The following MBOAT2 variants were observed in gnomAD, a reference collection of about 807,000 sequenced individuals.
MBOAT2 encodes membrane-bound glycerophospholipid O-acyltransferase 2.
A neutral mutation model predicts 63.4 loss-of-function variants in MBOAT2; 28 were observed. That is an observed-to-expected ratio of 0.44 (90% confidence interval 0.33 to 0.61). MBOAT2 has a LOEUF of 0.61. Ranked by LOEUF, MBOAT2 falls within the 20% of genes least tolerant of loss-of-function variation. The pLI is 0.03. For missense variants in MBOAT2, 470 were observed against 605.8 expected, an observed-to-expected ratio of 0.78 and a Z score of 2.35; for synonymous variants, 211 against 215.6, an observed-to-expected ratio of 0.98 and a Z score of 0.19.
chr2:8,928,432 A>T (rs898271947), intron 3 of MBOAT2, among the ~76,000 whole-genome samples: 10 of 152,136 alleles, frequency 6.6e-5, no homozygotes, highest in Non-Finnish European at 1.5e-5. Flanking sequence ...ACTGGGGAAG[A>T]CTACAGAGCC....
intron 1 of MBOAT2, among the ~76,000 whole-genome samples, chr2:8,998,731 A>G (rs1005483432): frequency 6.6e-6 from 1 of 152,084 alleles, no homozygotes; most frequent in Non-Finnish European, 1.5e-5. Context: ...TCTCTGTGTC[A>G]ACCACAACCC....
At chr2:8,926,518 G>A (rs1666944790) in intron 3 of MBOAT2, among the ~76,000 whole-genome samples, 1 of 152,208 alleles carries the variant, frequency 6.6e-6, no homozygotes. Flanking sequence ...GGGGCTCCCT[G>A]CAAATACAAA....
intron 8 of MBOAT2, among the ~76,000 whole-genome samples, chr2:8,870,198 A>G (rs969024329): frequency 7.2e-5 from 11 of 152,190 alleles, no homozygotes; most frequent in Non-Finnish European, 1.5e-4. Flanking sequence ...AGTTAAAGGG[A>G]AAAAAAGTGC....
rs1161726942 is a variant in MBOAT2 at position 8,868,571 on chromosome 2, A to G, written c.884-22T>C. 3.2e-6 allele frequency: 5 copies of G among 1,570,038 alleles called. No homozygotes were observed. In the African/African-American group the frequency reaches 6.8e-5, roughly 21 times the overall value. Reference sequence around the variant, plus strand: ...TCAGCTATAGAAAACAACATTAGAAAAAAGTATTAAGAATCTCCATAACAA... The same window carrying G: ...TCAGCTATAGAAAACAACATTAGAAGAAAGTATTAAGAATCTCCATAACAA... On this transcript the variant is annotated intron_variant, in intron 8 of 12. Transcript: ENST00000305997.
intron 4 of MBOAT2, among the ~76,000 whole-genome samples, chr2:8,895,857 C>T (rs1664423338): frequency 6.6e-6 from 1 of 152,108 alleles, no homozygotes; most frequent in African/African-American, 2.4e-5. Context: ...AAATAAAGGG[C>T]ACGAAGGCAA....
chr2:8,859,501 T>C (rs995311942), intron 12 of MBOAT2, among the ~76,000 whole-genome samples: 1 of 152,240 alleles, frequency 6.6e-6, no homozygotes, highest in Non-Finnish European at 1.5e-5. Context: ...CAAGTGATTC[T>C]GAACAAAGTT....
rs1017638736 is a variant in MBOAT2, at chr2:8,858,119, C to T, written c.*560G>A. On this transcript the variant is annotated 3_prime_UTR_variant, in exon 13 of 13. Coordinates refer to ENST00000305997, the MANE Select transcript of MBOAT2 (RefSeq NM_138799.4). ...TCATTTGACATACTTTAAGAAAACCCTTCAAATACTGAGATGTTTATTGCA... is the reference window on the plus strand; with the variant it reads ...TCATTTGACATACTTTAAGAAAACCTTTCAAATACTGAGATGTTTATTGCA... 1 of 152,634 alleles carries T rather than the reference C, an allele frequency of 6.6e-6. No individual in the cohort carries two copies. The highest frequency in any genetic ancestry group is 2.4e-5 in the African/African-American group (1 of 41,428). 9.5% of individuals were successfully genotyped at this position (152,634 alleles called of 1,614,324 possible).
intron 2 of MBOAT2, among the ~76,000 whole-genome samples, chr2:8,955,445 G>A (rs908877447): frequency 5.3e-5 from 8 of 152,178 alleles, no homozygotes; most frequent in Admixed American, 4.6e-4. Flanking sequence ...TCAACTGGAT[G>A]CTATCACGGG....
At chr2:8,933,170 G>A (rs1667441205) in intron 3 of MBOAT2, among the ~76,000 whole-genome samples, 1 of 152,114 alleles carries the variant, frequency 6.6e-6, no homozygotes, top group Admixed American at 6.6e-5. Flanking sequence ...GGATCTTGGT[G>A]TAAAAGTAAG....
At chr2:8,921,127 T>TTA (rs1325159366) in intron 3 of MBOAT2, among the ~76,000 whole-genome samples, 1 of 152,228 alleles carries the variant, frequency 6.6e-6, no homozygotes, top group East Asian at 1.9e-4. Flanking sequence ...GCTATTTGTT[T>TTA]TAGCTATGTC....
chr2:8,973,289 T>C (rs146920319), intron 1 of MBOAT2, among the ~76,000 whole-genome samples: 3,957 of 148,194 alleles, frequency 0.027, 142 homozygotes, highest in African/African-American at 0.086. Context: ...AAACACTGCA[T>C]GTTCTCACTC....
chr2:8,906,329 T>C (rs1272794866), intron 4 of MBOAT2, among the ~76,000 whole-genome samples: 2 of 152,214 alleles, frequency 1.3e-5, no homozygotes, highest in African/African-American at 4.8e-5. Context: ...TTAATGTCAA[T>C]TGTCCTATGA....
At chr2:8,986,207 CAAAAAA>C (rs749608343) in intron 1 of MBOAT2, among the ~76,000 whole-genome samples, 5 of 74,392 alleles carry the variant, frequency 6.7e-5, no homozygotes, top group Admixed American at 4.5e-4. Context: ...ACAAGGTCAC[CAAAAAA>C]AAAAAAAAAA....
In MBOAT2 at chr2:8,919,269, T is replaced by C. The variant is rs566940824; in HGVS notation, c.300-10553A>G. On this transcript the variant is annotated intron_variant, in intron 3 of 12. Coordinates refer to ENST00000305997, the MANE Select transcript of MBOAT2 (RefSeq NM_138799.4). ...CTAACAACAGAATTTTCAGGGCATA[T>C]GGTAAGTTAATGTTTAACTTTCAAC... is the stretch of plus-strand genomic sequence containing the variant. Among the ~76,000 whole-genome samples, 119 of 152,364 alleles carry C rather than the reference T, an allele frequency of 7.8e-4. 1 individual carries two copies. The highest frequency in any genetic ancestry group is 1.4e-3 in the Non-Finnish European group (96 of 68,036).
intron 7 of MBOAT2, among the ~76,000 whole-genome samples, chr2:8,874,960 C>T (rs182611866): frequency 6.6e-6 from 1 of 152,240 alleles, no homozygotes; most frequent in Admixed American, 6.5e-5. Context: ...TTTGGGGCCC[C>T]CATATTATCA....
chr2:8,938,575 C>A (rs994562177), intron 3 of MBOAT2, among the ~76,000 whole-genome samples: 1 of 151,668 alleles, frequency 6.6e-6, no homozygotes, highest in African/African-American at 2.4e-5. Flanking sequence ...TGTCTCAGGC[C>A]ACATTTCATG....
At chr2:8,929,601 C>T (rs1384752658) in intron 3 of MBOAT2, among the ~76,000 whole-genome samples, 2 of 152,222 alleles carry the variant, frequency 1.3e-5, no homozygotes, top group Admixed American at 6.5e-5. Context: ...GATCTGCCTG[C>T]GCTGGCCTCT....
chr2:8,994,017 G>A (rs1672097119), intron 1 of MBOAT2, among the ~76,000 whole-genome samples: 1 of 152,184 alleles, frequency 6.6e-6, no homozygotes, highest in East Asian at 1.9e-4. Context: ...CTTTATAGAT[G>A]AGGAAACTGA....
At chr2:8,864,433 A>C (rs1661715614) in intron 9 of MBOAT2, among the ~76,000 whole-genome samples, 199 bp from the exon 10 acceptor site, 1 of 152,108 alleles carries the variant, frequency 6.6e-6, no homozygotes, top group South Asian at 2.1e-4. Context: ...TGTTGGGAAC[A>C]TCTATGAGGT....
Sources: allele counts gnomAD v4.1 joint callset (sites outside exome capture counted in the v4.1 genomes callset), GRCh38; gene constraint gnomAD v4.1.1; transcripts MANE v1.5; gene names NCBI Gene and HGNC (gene_info 2026-07-23, HGNC 2026-07-21).